PEDS1: variants seen among roughly 807,000 people sequenced by gnomAD.
The protein encoded by PEDS1 is plasmanylethanolamine desaturase 1, also known as CarF homolog.
PEDS1 carries 14 observed loss-of-function variants against 35.2 expected under a neutral mutation model. The ratio of observed to expected loss-of-function variants is 0.40; its 90% CI spans 0.26 to 0.62. PEDS1 has a LOEUF of 0.62. PEDS1 is among the 20% of genes least tolerant of loss of function. The pLI is 0.44. For synonymous variants in PEDS1, 152 were observed against 152.0 expected (o/e 1.00, Z 0.00); for missense variants, 260 against 367.8 (o/e 0.71, Z 2.40).
chr20:50,150,498 C>A (rs2081391679), intron 1 of PEDS1, among the ~76,000 whole-genome samples: 1 of 152,120 alleles, frequency 6.6e-6, no homozygotes, highest in Admixed American at 6.6e-5. Context: ...TCCCTTCAGG[C>A]CTCACTTCGA....
intron 2 of PEDS1, among the ~76,000 whole-genome samples, chr20:50,132,327 TTTTA>T (rs1250204026): frequency 6.6e-6 from 1 of 152,234 alleles, no homozygotes; most frequent in African/African-American, 2.4e-5. Flanking sequence ...TTGGTAGCTT[TTTTA>T]TTCCCACTTT....
chr20:50,125,244 G>A, intron 5 of PEDS1, 65 bp from the exon 6 acceptor site: 1 of 1,590,252 alleles, frequency 6.3e-7, no homozygotes, highest in Non-Finnish European at 8.6e-7. Context: ...TTGGAAGAGA[G>A]CTGACCTTCA....
At chr20:50,138,491 C>A (rs1405610374) in intron 2 of PEDS1, among the ~76,000 whole-genome samples, 1 of 152,222 alleles carries the variant, frequency 6.6e-6, no homozygotes, top group Non-Finnish European at 1.5e-5. Context: ...AGCAAGCATC[C>A]CCCCAACGCA....
At position 50,128,207 on chromosome 20, in the gene PEDS1, G is replaced by A. The variant is rs753162354; in HGVS notation, c.479-20C>T. 3.1e-6 allele frequency: 5 copies of A among 1,613,202 alleles called. No homozygotes were observed. In the African/African-American group the frequency reaches 4.0e-5, roughly 13 times the overall value. On this transcript the variant is annotated intron_variant, in intron 4 of 5. Transcript: ENST00000371652. The surrounding 1 kb of genome is among the most constrained non-coding windows in gnomAD (Gnocchi z 5.2). The stretch of plus-strand genomic sequence containing the variant: ...GGGCTTCTGCAGGTTGGGGAGAGGG[G>A]GGGCCGGCACAGCTGTCACTCGGGA...
chr20:50,137,418 T>G (rs567817831), intron 2 of PEDS1, among the ~76,000 whole-genome samples: 4 of 152,346 alleles, frequency 2.6e-5, no homozygotes, highest in Non-Finnish European at 4.4e-5. Flanking sequence ...TGATAAGTCA[T>G]GTTGACAGTC....
At position 50,121,475 on chromosome 20, in the gene PEDS1, G is replaced by A. The variant is rs890678110; in HGVS notation, c.*3583C>T. 5 of 152,376 alleles carry A rather than the reference G, an allele frequency of 3.3e-5. No homozygotes were observed. The highest frequency in any genetic ancestry group is 9.6e-5 in the African/African-American group (4 of 41,528). The allele number at this position is 152,376 out of a possible 1,614,324, so 9.4% of individuals were successfully genotyped here. A position where few individuals can be genotyped will look rare whatever the true frequency, so the allele number is the denominator to read the frequency against. On this transcript the variant is annotated 3_prime_UTR_variant, in exon 6 of 6. Coordinates refer to ENST00000371652, the MANE Select transcript of PEDS1 (RefSeq NM_199129.4). ...TGGTGCAAAGAGTACTCACTTCTCAGAGCTGCAGGGACTGCTTGACAGGAC... is the reference window on the plus strand; with the variant it reads ...TGGTGCAAAGAGTACTCACTTCTCAAAGCTGCAGGGACTGCTTGACAGGAC...
intron 2 of PEDS1, among the ~76,000 whole-genome samples, chr20:50,134,161 T>C (rs1370606851): frequency 6.6e-6 from 1 of 152,216 alleles, no homozygotes; most frequent in African/African-American, 2.4e-5. Context: ...CATCTTTACT[T>C]GCTTAATGAG....
intron 2 of PEDS1, among the ~76,000 whole-genome samples, chr20:50,142,870 C>A (rs1568654289): frequency 6.6e-6 from 1 of 151,970 alleles, no homozygotes; most frequent in Non-Finnish European, 1.5e-5. Flanking sequence ...ATGGCACATG[C>A]AAAAGCCCTG....
intron 2 of PEDS1, among the ~76,000 whole-genome samples, chr20:50,136,972 A>C (rs1394330456): frequency 6.6e-6 from 1 of 150,802 alleles, no homozygotes; most frequent in Non-Finnish European, 1.5e-5. Flanking sequence ...TTGAGGCTCC[A>C]GTGAGTCGTG....
At chr20:50,127,531 A>G (rs1485645947) in intron 5 of PEDS1, among the ~76,000 whole-genome samples, 1 of 151,972 alleles carries the variant, frequency 6.6e-6, no homozygotes, top group Non-Finnish European at 1.5e-5. Context: ...TTTTTAGTAG[A>G]GATGGGGTTT....
chr20:50,136,765 A>G (rs2081239717), intron 2 of PEDS1, among the ~76,000 whole-genome samples: 1 of 145,370 alleles, frequency 6.9e-6, no homozygotes, highest in Admixed American at 7.0e-5. Flanking sequence ...GGCTGGGCGC[A>G]TTGGCTCACG....
intron 2 of PEDS1, among the ~76,000 whole-genome samples, chr20:50,140,896 C>T (rs1179640160): frequency 6.6e-6 from 1 of 152,174 alleles, no homozygotes; most frequent in Non-Finnish European, 1.5e-5. Context: ...ACTGTGCAAA[C>T]ACCATTATCA....
rs2081035671 is a variant in PEDS1 at position 50,119,776 on chromosome 20, G to C, written c.*5282C>G. The C allele has an allele frequency of 6.6e-6, 1 of 152,176 alleles. No homozygotes were observed. The highest frequency in any genetic ancestry group is 1.5e-5 in the Non-Finnish European group (1 of 68,038). The allele number at this position is 152,176 out of a possible 1,614,324, so 9.4% of individuals were successfully genotyped here. On this transcript the variant is annotated 3_prime_UTR_variant, in exon 6 of 6. Transcript: ENST00000371652. ...GAGGTTGGTAACTTTTCTCTGTAAA[G>C]GGCCAGATCGTAAATATTTTAGGCT...
At chr20:50,145,906 T>C (rs1568655986) in intron 1 of PEDS1, among the ~76,000 whole-genome samples, 1 of 151,908 alleles carries the variant, frequency 6.6e-6, no homozygotes, top group Non-Finnish European at 1.5e-5. Context: ...ACCATCAGAG[T>C]GGTCAAGGAA....
chr20:50,133,137 G>C (rs1180682951), intron 2 of PEDS1, among the ~76,000 whole-genome samples: 1 of 152,194 alleles, frequency 6.6e-6, no homozygotes, highest in Non-Finnish European at 1.5e-5. Context: ...GATGCCTCCT[G>C]GGTGAGTGAG....
chr20:50,148,096 G>A (rs527256701), intron 1 of PEDS1, among the ~76,000 whole-genome samples: 9 of 152,162 alleles, frequency 5.9e-5, no homozygotes, highest in Non-Finnish European at 1.3e-4. Context: ...TCTCCAGGGG[G>A]AGAAAACATA....
chr20:50,150,538 C>T (rs1601236731), intron 1 of PEDS1, among the ~76,000 whole-genome samples: 1 of 152,224 alleles, frequency 6.6e-6, no homozygotes, highest in South Asian at 2.1e-4. Context: ...GCCTTCACTG[C>T]CCCCTCCCTA....
chr20:50,136,710 G>C (rs543922812), intron 2 of PEDS1, among the ~76,000 whole-genome samples: 1 of 99,708 alleles, frequency 1.0e-5, no homozygotes, highest in East Asian at 3.3e-4. Flanking sequence ...GTGACAGAGT[G>C]AGACTCTGCC....
intron 1 of PEDS1, among the ~76,000 whole-genome samples, chr20:50,147,783 G>T (rs1049501021): frequency 6.6e-6 from 1 of 152,182 alleles, no homozygotes; most frequent in Admixed American, 6.5e-5. Flanking sequence ...GGCCGGGTGT[G>T]GTGGCTCATG....
Sources: allele counts gnomAD v4.1 joint callset (sites outside exome capture counted in the v4.1 genomes callset), GRCh38; gene constraint gnomAD v4.1.1; non-coding constraint Gnocchi (gnomAD v3.1); transcripts MANE v1.5; gene names NCBI Gene and HGNC (gene_info 2026-07-23, HGNC 2026-07-21).